The following VPS13B variants were observed in gnomAD, a reference collection of about 807,000 sequenced individuals.
The protein encoded by VPS13B is intermembrane lipid transfer protein VPS13B.
Under a neutral mutation model 426.4 loss-of-function variants are expected in VPS13B, and 285 were observed. That is an observed-to-expected ratio of 0.67 (90% confidence interval 0.61 to 0.74). The LOEUF (loss-of-function observed/expected upper bound fraction) is 0.74. VPS13B is among the 30% of genes least tolerant of loss of function. The pLI is 0.00. For synonymous variants in VPS13B, 1,676 were observed against 1,676.4 expected (o/e 1.00, Z 0.01); for missense variants, 4,537 against 4,782.6 (o/e 0.95, Z 1.51).
chr8:99,342,695 G>A (rs1391643874), intron 19 of VPS13B, among the ~76,000 whole-genome samples: 2 of 152,144 alleles, frequency 1.3e-5, no homozygotes, highest in African/African-American at 4.8e-5. Flanking sequence ...GAATAGTGCT[G>A]CAGTGAACAT....
chr8:99,873,808 G>A (rs2130984521), intron 61 of VPS13B, among the ~76,000 whole-genome samples: 1 of 152,288 alleles, frequency 6.6e-6, no homozygotes, highest in African/African-American at 2.4e-5. Context: ...CCTTGTCAGT[G>A]AGCTTTCTTG....
chr8:99,492,696 C>T (rs1374235808), intron 25 of VPS13B, among the ~76,000 whole-genome samples: 3 of 152,214 alleles, frequency 2.0e-5, no homozygotes, highest in Non-Finnish European at 2.9e-5. Context: ...GGAATCCCCT[C>T]GTCTGCTGGT....
intron 19 of VPS13B, among the ~76,000 whole-genome samples, chr8:99,330,039 G>A (rs1469670724): frequency 1.3e-5 from 2 of 151,820 alleles, no homozygotes; most frequent in Non-Finnish European, 2.9e-5. Context: ...ACTGTTTAGA[G>A]TATATATTTT....
chr8:99,289,032 T>TATGAATGAATGA (rs147774364), intron 19 of VPS13B, among the ~76,000 whole-genome samples: 10,486 of 146,668 alleles, frequency 0.071, 418 homozygotes, highest in Middle Eastern at 0.088. Flanking sequence ...CCCCTGCCTC[T>TATGAATGAATGA]ATGAATGAAT....
At position 99,821,363 on chromosome 8, in the gene VPS13B, G is replaced by T; in HGVS notation, c.9064G>T (p.Val3022Phe). 2 of 1,613,828 alleles carry T rather than the reference G, an allele frequency of 1.2e-6. No individual in the cohort carries two copies. The highest frequency in any genetic ancestry group is 1.7e-5 in the Admixed American group (1 of 59,988). Reference sequence around the variant, plus strand: ...GCACAAGTCAGTAGCAATTAAACTGGTCCATAACCTGACATCTCCAAAGTG... The same window carrying T: ...GCACAAGTCAGTAGCAATTAAACTGTTCCATAACCTGACATCTCCAAAGTG... ...TVHKSVAIKL[V>F]HNLTSPKWKD... The change falls in exon 50 of 62, where the codon GTC becomes TTC. Residue 3022 changes from valine to phenylalanine, a missense_variant. Physicochemically the swap from Val to Phe is conservative, Grantham distance 50. Coordinates refer to ENST00000357162, the MANE Select transcript of VPS13B (RefSeq NM_152564.5).
chr8:99,748,304 G>A (rs1810199353), intron 39 of VPS13B, among the ~76,000 whole-genome samples: 1 of 152,026 alleles, frequency 6.6e-6, no homozygotes, highest in African/African-American at 2.4e-5. Flanking sequence ...CCTGAATTAA[G>A]AGCCAGTCTT....
intron 14 of VPS13B, among the ~76,000 whole-genome samples, chr8:99,154,172 G>T (rs1187819380): frequency 7.5e-5 from 11 of 146,024 alleles, no homozygotes; most frequent in African/African-American, 2.8e-4. Flanking sequence ...TTTTTTTTTG[G>T]CATTTATCCT....
At chr8:99,238,713 G>A (rs1816764795) in intron 17 of VPS13B, among the ~76,000 whole-genome samples, 1 of 152,038 alleles carries the variant, frequency 6.6e-6, no homozygotes, top group African/African-American at 2.4e-5. Flanking sequence ...GAAAAACTGT[G>A]TCTTGAAAAA....
intron 3 of VPS13B, among the ~76,000 whole-genome samples, chr8:99,050,068 T>A (rs1451818448): frequency 6.6e-6 from 1 of 152,050 alleles, no homozygotes; most frequent in African/African-American, 2.4e-5. Context: ...AGTTTTAGGG[T>A]ACACGTGCAC....
intron 44 of VPS13B, among the ~76,000 whole-genome samples, chr8:99,815,678 GA>G (rs1434087228): frequency 6.6e-6 from 1 of 151,066 alleles, no homozygotes; most frequent in Non-Finnish European, 1.5e-5. Context: ...TGTTATTCTG[GA>G]AAAATATTAC....
At position 99,734,100 on chromosome 8, in the gene VPS13B, A is replaced by G. The variant is rs148235232; in HGVS notation, c.7050+13053A>G. Among the ~76,000 whole-genome samples, 961 of 152,288 alleles carry G rather than the reference A, an allele frequency of 6.3e-3. 8 individuals carry two copies. Among genetic ancestry groups the G allele is most frequent in the African/African-American group, 0.022 (904 of 41,546 alleles). ...TATATCTGCCTATTCTGGACATTTC[A>G]CATAAGTGGAATCATATAAATATAG... is the stretch of plus-strand genomic sequence containing the variant. On this transcript the variant is annotated intron_variant, in intron 39 of 61. Coordinates refer to ENST00000357162, the MANE Select transcript of VPS13B (RefSeq NM_152564.5).
chr8:99,665,459 A>G (rs918473093), intron 35 of VPS13B, among the ~76,000 whole-genome samples: 4 of 152,160 alleles, frequency 2.6e-5, no homozygotes, highest in Non-Finnish European at 2.9e-5. Flanking sequence ...TAGATCTAAC[A>G]TTTAAGTCTT....
At chr8:99,408,522 A>G (rs958145707) in intron 21 of VPS13B, among the ~76,000 whole-genome samples, 4 of 152,200 alleles carry the variant, frequency 2.6e-5, no homozygotes, top group Non-Finnish European at 5.9e-5. Context: ...TTGGAGGACT[A>G]TAAGATGAAG....
intron 22 of VPS13B, among the ~76,000 whole-genome samples, chr8:99,432,096 C>A (rs1438364757): frequency 6.6e-6 from 1 of 151,798 alleles, no homozygotes; most frequent in Non-Finnish European, 1.5e-5. Context: ...ATAGCTATTT[C>A]CTTATTGTTA....
chr8:99,363,317 G>A (rs1232758344), intron 19 of VPS13B, among the ~76,000 whole-genome samples: 1 of 152,150 alleles, frequency 6.6e-6, no homozygotes. Flanking sequence ...TGAGTTCACT[G>A]TAGATGGATG....
At chr8:99,873,392 G>C (rs998624490) in intron 61 of VPS13B, 4 of 152,176 alleles carry the variant, frequency 2.6e-5, no homozygotes, top group Non-Finnish European at 5.9e-5. Context: ...TGGAATCAGA[G>C]AAGCAACACT....
chr8:99,223,058 C>T (rs1215226067), intron 17 of VPS13B, among the ~76,000 whole-genome samples: 2 of 152,098 alleles, frequency 1.3e-5, no homozygotes, highest in Non-Finnish European at 2.9e-5. Flanking sequence ...GAACTCCTGA[C>T]CTCAAGTGAT....
At chr8:99,028,281 A>T (rs2132175530) in intron 2 of VPS13B, among the ~76,000 whole-genome samples, 1 of 151,432 alleles carries the variant, frequency 6.6e-6, no homozygotes, top group African/African-American at 2.4e-5. Context: ...ACTTCCCAGT[A>T]GGGGCAGCCG....
chr8:99,388,531 A>G (rs2133305095), intron 20 of VPS13B, among the ~76,000 whole-genome samples: 1 of 152,320 alleles, frequency 6.6e-6, no homozygotes, highest in East Asian at 1.9e-4. Flanking sequence ...CTGAGACTAG[A>G]TTGCAACTGA....
Sources: gnomAD v4.1 joint callset for allele counts (sites outside exome capture counted in the v4.1 genomes callset) on GRCh38, gnomAD v4.1.1 for gene constraint, MANE v1.5 for transcripts, NCBI Gene and HGNC (gene_info 2026-07-23, HGNC 2026-07-21) for gene names.